Variants in ARR3 observed in about 807,000 individuals in gnomAD.
The protein encoded by ARR3 is arrestin 3, also known as arrestin-C.
A neutral mutation model predicts 35.4 loss-of-function variants in ARR3; 14 were observed. The observed-to-expected ratio is 0.40, with a 90% CI of 0.26 to 0.62. The LOEUF is 0.62. ARR3 is among the 20% of genes least tolerant of loss of function. The pLI is 0.46. For synonymous variants in ARR3, 97 were observed against 119.1 expected (o/e 0.81, Z 1.21); for missense variants, 259 against 303.8 (o/e 0.85, Z 1.10).
Position 70,281,804 on chromosome X carries a change from A to T in ARR3, c.*38A>T, listed in dbSNP as rs761405005. 6 of 1,030,476 alleles carry T rather than the reference A, an allele frequency of 5.8e-6. No homozygotes were observed. The Admixed American group carries it at 1.7e-4, about 29-fold the overall frequency. The allele number at this position is 1,030,476 out of a possible 1,213,427, so 84.9% of individuals were successfully genotyped here. A position where few individuals can be genotyped will look rare whatever the true frequency, so the allele number is the denominator to read the frequency against. On this transcript the variant is annotated 3_prime_UTR_variant, in exon 17 of 17. Coordinates refer to ENST00000307959, the MANE Select transcript of ARR3 (RefSeq NM_004312.3). ...GGTGCCCGTCTGTGTGGGAGCCCCC[A>T]CTGTAACACTCTAATAAATCAGTTT...
intron 2 of ARR3, 60 bp downstream of exon 2, chrX:70,269,453 T>C: frequency 3.7e-6 from 4 of 1,095,408 alleles, no homozygotes; most frequent in Non-Finnish European, 5.0e-6. Context: ...ATCCAAGTAT[T>C]TCCCTTTGGG....
At chrX:70,280,411 T>G in intron 13 of ARR3, 133 bp downstream of exon 13, 3 of 963,970 alleles carry the variant, frequency 3.1e-6, no homozygotes, top group Non-Finnish European at 4.3e-6. Flanking sequence ...TTCCCAAACC[T>G]GTGAGCTCAG....
intron 16 of ARR3, 40 bp from the exon 17 acceptor site, chrX:70,281,636 G>A (rs747504606): frequency 9.2e-7 from 1 of 1,092,604 alleles, no homozygotes; most frequent in Non-Finnish European, 1.2e-6. Context: ...ACCCAGAAAG[G>A]GGTTCCTAAC....
chrX:70,275,659 CTTTTTTTTTT>C (rs35378424), intron 5 of ARR3, among the ~76,000 whole-genome samples: 1 of 42,061 alleles, frequency 2.4e-5, no homozygotes, highest in African/African-American at 9.5e-5. Flanking sequence ...AGCCTTCAAT[CTTTTTTTTTT>C]TTTTTTTTTT....
chrX:70,275,368 T>C, intron 5 of ARR3, among the ~76,000 whole-genome samples: 1 of 112,345 alleles, frequency 8.9e-6, no homozygotes, highest in Middle Eastern at 4.6e-3. Context: ...TGTTTTCATA[T>C]GTTATTGGCC....
chrX:70,281,656 T>C lies in ARR3; in HGVS notation c.1077-20T>C. 1 of 1,162,864 alleles carries C rather than the reference T, an allele frequency of 8.6e-7. No individual in the cohort carries two copies. The highest frequency in any genetic ancestry group is 1.2e-6 in the Non-Finnish European group (1 of 866,489). ...GAAAGGGGTTCCTAACCTTCCATTC[T>C]CTTCTGCTGCTTCTGCAAGCTCTGA... On this transcript the variant is annotated intron_variant, in intron 16 of 16. Coordinates refer to ENST00000307959, the MANE Select transcript of ARR3 (RefSeq NM_004312.3).
chrX:70,281,656 T>A lies in ARR3; in HGVS notation c.1077-20T>A, dbSNP rs757129963. ...GAAAGGGGTTCCTAACCTTCCATTC[T>A]CTTCTGCTGCTTCTGCAAGCTCTGA... On this transcript the variant is annotated intron_variant, in intron 16 of 16. Transcript: ENST00000307959. 1 of 1,160,897 alleles carries A rather than the reference T, an allele frequency of 8.6e-7. No homozygotes were observed. The highest frequency in any genetic ancestry group is 3.2e-5 in the East Asian group (1 of 31,270).
intron 14 of ARR3, 77 bp from the exon 15 acceptor site, chrX:70,280,689 G>A (rs2085677124): frequency 8.3e-7 from 1 of 1,197,959 alleles, no homozygotes; most frequent in Non-Finnish European, 1.1e-6. Flanking sequence ...TCCAAAGACT[G>A]GAAAACTAAG....
At chrX:70,277,313 A>G (rs1415146256) in intron 8 of ARR3, 81 bp from the exon 9 acceptor site, 5 of 1,136,845 alleles carry the variant, frequency 4.4e-6, no homozygotes, top group African/African-American at 3.6e-5. Context: ...TTAAGCAACA[A>G]TTGGACTATG....
intron 4 of ARR3, 74 bp downstream of exon 4, chrX:70,269,977 G>T: frequency 5.9e-6 from 7 of 1,177,220 alleles, no homozygotes. Flanking sequence ...GTCCAGGAAA[G>T]ACCGTGCAGA....
chrX:70,276,746 G>T lies in ARR3; in HGVS notation c.473+10G>T. 2.5e-6 allele frequency: 3 copies of T among 1,204,700 alleles called. No homozygotes were observed. Among genetic ancestry groups the T allele is most frequent in the Non-Finnish European group, 3.4e-6 (3 of 889,995 alleles). On this transcript the variant is annotated intron_variant, in intron 8 of 16. Coordinates refer to ENST00000307959, the MANE Select transcript of ARR3 (RefSeq NM_004312.3). ...AGACAGTCTCCAAGAGGTATTCTTT[G>T]GTTGTCCCCAAAAATCCCTGCCTCC...
intron 8 of ARR3, among the ~76,000 whole-genome samples, chrX:70,276,957 C>A (rs1433984947): frequency 8.9e-6 from 1 of 112,225 alleles, no homozygotes; most frequent in African/African-American, 3.2e-5. Context: ...GCTTTTTGAG[C>A]CCTATAGTCT....
At chrX:70,268,650 G>A (rs1237095701) in intron 1 of ARR3, among the ~76,000 whole-genome samples, 1 of 111,900 alleles carries the variant, frequency 8.9e-6, no homozygotes, top group Admixed American at 9.4e-5. Context: ...CCTGGATGGG[G>A]ATAAGGATGG....
chrX:70,280,007 G>A (rs1414094635), intron 12 of ARR3, among the ~76,000 whole-genome samples, 188 bp from the exon 13 acceptor site: 1 of 111,637 alleles, frequency 9.0e-6, no homozygotes, highest in African/African-American at 3.3e-5. Flanking sequence ...AGAGTGACAT[G>A]GTAAAAGTGA....
At chrX:70,270,052 T>C in intron 4 of ARR3, 48 bp from the exon 5 acceptor site, 1 of 1,198,892 alleles carries the variant, frequency 8.3e-7, no homozygotes, top group Non-Finnish European at 1.1e-6. Context: ...TGTTTCATAG[T>C]CTGAGAGTTT....
intron 6 of ARR3, 57 bp downstream of exon 6, chrX:70,276,338 C>G (rs1407202995): frequency 1.7e-6 from 2 of 1,190,047 alleles, no homozygotes; most frequent in Admixed American, 2.2e-5. Context: ...AGAGAGGAAG[C>G]TCAAGAAGGA....
chrX:70,273,260 C>A (rs1345513390), intron 5 of ARR3, among the ~76,000 whole-genome samples: 1 of 84,658 alleles, frequency 1.2e-5, no homozygotes, highest in Non-Finnish European at 2.1e-5. Flanking sequence ...CTTGCTCTGT[C>A]GCCCAGGCTG....
chrX:70,268,879 C>CCATT (rs58504509), intron 1 of ARR3, among the ~76,000 whole-genome samples: 10,529 of 110,834 alleles, frequency 0.095, 1,166 homozygotes, highest in African/African-American at 0.3. Flanking sequence ...ATTGATTTGT[C>CCATT]CATTCATTCA....
Position 70,281,777 on chromosome X carries a change from C to G in ARR3, c.*11C>G, listed in dbSNP as rs373061642. 5 of 1,151,384 alleles carry G rather than the reference C, an allele frequency of 4.3e-6. No homozygotes were observed. Among genetic ancestry groups the G allele is most frequent in the Non-Finnish European group, 5.8e-6 (5 of 859,918 alleles). 94.9% of individuals were successfully genotyped at this position (1,151,384 alleles called of 1,213,427 possible). On this transcript the variant is annotated 3_prime_UTR_variant, in exon 17 of 17. Coordinates refer to ENST00000307959, the MANE Select transcript of ARR3 (RefSeq NM_004312.3). The stretch of plus-strand genomic sequence containing the variant: ...GATGAGGGGAGCTGAGCACCTCGCT[C>G]TGGTGCCCGTCTGTGTGGGAGCCCC...
Sources: gnomAD v4.1 joint callset for allele counts (sites outside exome capture counted in the v4.1 genomes callset) on GRCh38, gnomAD v4.1.1 for gene constraint, MANE v1.5 for transcripts, NCBI Gene and HGNC (gene_info 2026-07-23, HGNC 2026-07-21) for gene names.